The following FNIP1 variants were observed in gnomAD, a reference collection of about 807,000 sequenced individuals.
The protein encoded by FNIP1 is folliculin-interacting protein 1.
In FNIP1, 40 loss-of-function variants were observed where a neutral mutation model predicts 124.5. The observed-to-expected ratio is 0.32, with a 90% CI of 0.25 to 0.42. FNIP1 has a LOEUF of 0.42. Among genes scored for constraint, FNIP1 ranks in the 10% least tolerant of loss-of-function variants. The probability of loss-of-function intolerance (pLI) is 1.00; values close to 1 mark genes in which losing one functional copy is unlikely to be tolerated. For missense variants in FNIP1, 1,176 were observed against 1,403.7 expected, an observed-to-expected ratio of 0.84 and a Z score of 2.59; for synonymous variants, 472 against 470.6, an observed-to-expected ratio of 1.00 and a Z score of -0.04.
At chr5:131,675,850 G>A (rs1296294487) in intron 13 of FNIP1, among the ~76,000 whole-genome samples, 4 of 152,064 alleles carry the variant, frequency 2.6e-5, no homozygotes, top group Admixed American at 1.3e-4. Context: ...GCATATATGC[G>A]AAACTTATCA....
intron 1 of FNIP1, among the ~76,000 whole-genome samples, chr5:131,778,543 T>G (rs1320346682): frequency 7.2e-6 from 1 of 139,212 alleles, no homozygotes; most frequent in East Asian, 2.0e-4. Context: ...TTTACACTGT[T>G]GGTGGGACTG....
At chr5:131,794,125 A>T (rs1772497895) in intron 1 of FNIP1, among the ~76,000 whole-genome samples, 1 of 150,956 alleles carries the variant, frequency 6.6e-6, no homozygotes, top group Admixed American at 6.6e-5. Context: ...GAGCCTACTC[A>T]GGAGGCTGAG....
intron 2 of FNIP1, among the ~76,000 whole-genome samples, chr5:131,739,180 T>C (rs1378671364): frequency 1.3e-5 from 2 of 152,160 alleles, no homozygotes; most frequent in Non-Finnish European, 2.9e-5. Flanking sequence ...TGTAATGTTA[T>C]AGTTTTATAT....
At chr5:131,727,793 T>C (rs1411991308) in intron 3 of FNIP1, among the ~76,000 whole-genome samples, 1 of 152,306 alleles carries the variant, frequency 6.6e-6, no homozygotes, top group East Asian at 1.9e-4. Flanking sequence ...TACAATTTCA[T>C]ATGTTTTTGC....
rs944389140 is a variant in FNIP1, at chr5:131,643,652, A to G, written c.*1033T>C. On this transcript the variant is annotated 3_prime_UTR_variant, in exon 18 of 18. Coordinates refer to ENST00000510461, the MANE Select transcript of FNIP1 (RefSeq NM_133372.3). Reference sequence around the variant, plus strand: ...TGGAAGGGAGGGACTCTTAGAAAAAAAGAGAATAATTTTAAGAGTTATGAA... The same window carrying G: ...TGGAAGGGAGGGACTCTTAGAAAAAGAGAGAATAATTTTAAGAGTTATGAA... 4.6e-5 allele frequency: 7 copies of G among 152,742 alleles called. No homozygotes were observed. The highest frequency in any genetic ancestry group is 1.0e-4 in the Non-Finnish European group (7 of 68,028). 9.5% of individuals were successfully genotyped at this position (152,742 alleles called of 1,614,324 possible). A position where few individuals can be genotyped will look rare whatever the true frequency, so the allele number is the denominator to read the frequency against.
intron 1 of FNIP1, among the ~76,000 whole-genome samples, chr5:131,784,368 C>A (rs750770989): frequency 1.3e-5 from 2 of 151,944 alleles, no homozygotes; most frequent in African/African-American, 4.8e-5. Context: ...ATTTACGATA[C>A]AACAATATAG....
intron 10 of FNIP1, among the ~76,000 whole-genome samples, chr5:131,700,719 C>T (rs1426757294): frequency 2.6e-5 from 4 of 151,378 alleles, no homozygotes; most frequent in Admixed American, 1.3e-4. Context: ...TGTTCAGAAA[C>T]AAAATCCATA....
chr5:131,699,079 G>A, intron 10 of FNIP1, 77 bp from the exon 11 acceptor site: 1 of 1,113,710 alleles, frequency 9.0e-7, no homozygotes, highest in Non-Finnish European at 1.3e-6. Context: ...TTTTTAGACA[G>A]AGTCACATAT....
At chr5:131,677,933 G>A (rs1320087375) in intron 12 of FNIP1, 61 bp from the exon 13 acceptor site, 2 of 1,547,312 alleles carry the variant, frequency 1.3e-6, no homozygotes, top group African/African-American at 2.8e-5. Context: ...TAGGTAAAAT[G>A]TAGTGAAAAA....
At chr5:131,752,538 TAA>T (rs70974009) in intron 1 of FNIP1, among the ~76,000 whole-genome samples, 3 of 136,780 alleles carry the variant, frequency 2.2e-5, no homozygotes, top group Non-Finnish European at 4.7e-5. Context: ...CCTGAACATC[TAA>T]AAAAAAAAAA....
At chr5:131,761,861 T>C (rs1771242889) in intron 1 of FNIP1, among the ~76,000 whole-genome samples, 1 of 152,154 alleles carries the variant, frequency 6.6e-6, no homozygotes, top group African/African-American at 2.4e-5. Flanking sequence ...GACTTTAAAT[T>C]ATACTACAGT....
chr5:131,766,148 C>T (rs1771416759), intron 1 of FNIP1, among the ~76,000 whole-genome samples: 1 of 151,200 alleles, frequency 6.6e-6, no homozygotes, highest in Non-Finnish European at 1.5e-5. Flanking sequence ...CACTCTGTCA[C>T]TCAGGCTGGA....
chr5:131,725,893 G>A (rs1769845063), intron 3 of FNIP1, among the ~76,000 whole-genome samples: 1 of 152,202 alleles, frequency 6.6e-6, no homozygotes, highest in Non-Finnish European at 1.5e-5. Flanking sequence ...TTTATTGAGA[G>A]TTTTTAGCAT....
chr5:131,766,412 T>G (rs1409585178), intron 1 of FNIP1, among the ~76,000 whole-genome samples: 1 of 152,122 alleles, frequency 6.6e-6, no homozygotes, highest in Non-Finnish European at 1.5e-5. Flanking sequence ...ATGTTTAAAT[T>G]TCCCCGGTCC....
chr5:131,752,335 G>A (rs923760922), intron 1 of FNIP1, among the ~76,000 whole-genome samples: 27 of 152,024 alleles, frequency 1.8e-4, no homozygotes, highest in African/African-American at 6.3e-4. Context: ...GAGCCACCGC[G>A]CCCAGCCATG....
intron 11 of FNIP1, among the ~76,000 whole-genome samples, chr5:131,685,564 C>T (rs548453989): frequency 1.3e-5 from 2 of 149,662 alleles, no homozygotes; most frequent in Middle Eastern, 6.8e-3. Context: ...TCAAGCAATT[C>T]TCCTGCCTCA....
At chr5:131,686,592 T>C (rs888491752) in intron 11 of FNIP1, among the ~76,000 whole-genome samples, 2 of 152,196 alleles carry the variant, frequency 1.3e-5, no homozygotes, top group African/African-American at 4.8e-5. Flanking sequence ...GTAATATAAA[T>C]TATGGGGTAC....
In FNIP1 at chr5:131,704,157, C is replaced by T; in HGVS notation, c.1024G>A (p.Glu342Lys). ...TCATTAAATTTGTTATTTTCATCTT[C>T]ATCTTTGGACAATGAAAAGATTACC... is the stretch of plus-strand genomic sequence containing the variant. ...IGVIFSLSKDEDENNKFNEFF... is the reference protein window; with the variant it reads ...IGVIFSLSKDKDENNKFNEFF... The change falls in exon 10 of 18, where the codon GAA becomes AAA. Residue 342 changes from glutamate to lysine, a missense_variant. By Grantham distance (56) the Glu-to-Lys change is moderately conservative. Transcript: ENST00000510461. 6.2e-7 allele frequency: 1 copy of T among 1,612,990 alleles called. No individual in the cohort carries two copies. Among genetic ancestry groups the T allele is most frequent in the Non-Finnish European group, 8.5e-7 (1 of 1,179,138 alleles).
At chr5:131,712,134 G>A (rs1769312533) in intron 6 of FNIP1, among the ~76,000 whole-genome samples, 1 of 151,980 alleles carries the variant, frequency 6.6e-6, no homozygotes, top group African/African-American at 2.4e-5. Context: ...AAGCTGTCAT[G>A]TTATTCAAGC....
Sources: gnomAD v4.1 joint callset for allele counts (sites outside exome capture counted in the v4.1 genomes callset) on GRCh38, gnomAD v4.1.1 for gene constraint, MANE v1.5 for transcripts, NCBI Gene and HGNC (gene_info 2026-07-23, HGNC 2026-07-21) for gene names.